WDFY4: variants seen among roughly 807,000 people sequenced by gnomAD.
WDFY4 encodes the protein WDFY family member 4, also known as WD repeat- and FYVE domain-containing protein 4.
WDFY4 carries 169 observed loss-of-function variants against 351.9 expected under a neutral mutation model. That is an observed-to-expected ratio of 0.48 (90% CI 0.42 to 0.55). The LOEUF is 0.55. WDFY4 is among the 20% of genes least tolerant of loss of function. The pLI is 0.00. For synonymous variants in WDFY4, 1,622 were observed against 1,574.6 expected (o/e 1.03, Z -0.71); for missense variants, 3,803 against 3,935.6 (o/e 0.97, Z 0.90).
chr10:48,688,842 G>T (rs1278428645), intron 1 of WDFY4, among the ~76,000 whole-genome samples: 1 of 152,154 alleles, frequency 6.6e-6, no homozygotes, highest in African/African-American at 2.4e-5. Flanking sequence ...TAGGTATAGA[G>T]CATGGGAGAA....
At chr10:48,812,075 C>A (rs766871925) in intron 30 of WDFY4, among the ~76,000 whole-genome samples, 5 of 152,228 alleles carry the variant, frequency 3.3e-5, no homozygotes, top group African/African-American at 2.4e-5. Flanking sequence ...CATCTTCTTG[C>A]CCCTGTTGCT....
At chr10:48,895,549 T>G (rs1424719491) in intron 44 of WDFY4, among the ~76,000 whole-genome samples, 1 of 152,190 alleles carries the variant, frequency 6.6e-6, no homozygotes, top group Non-Finnish European at 1.5e-5. Context: ...TGTGGTTGTA[T>G]ACACAATTTA....
chr10:48,897,340 A>G, intron 44 of WDFY4, 114 bp from the exon 45 acceptor site: 2 of 1,422,458 alleles, frequency 1.4e-6, no homozygotes, highest in South Asian at 2.7e-5. Flanking sequence ...CACTTCTCTG[A>G]TGTGTCATTG....
Position 48,957,166 on chromosome 10 carries a change from G to A in WDFY4, c.8015G>A (p.Ser2672Asn), listed in dbSNP as rs1260256567. The stretch of plus-strand genomic sequence containing the variant: ...GACGTGGCAGACAGAATGTTCCACA[G>A]TGTGAAGAGCACGTGGGAGTCGGCC... ...SFDVADRMFH[S>N]VKSTWESASR... The change falls in exon 52 of 62, where the codon AGT (serine) becomes AAT (asparagine). Residue 2672 changes from serine to asparagine, a missense_variant. This residue lies in a region of WDFY4 where 3,054 missense variants were observed against 3,148.6 expected (regional missense o/e 0.97). Transcript: ENST00000325239. 6.4e-7 allele frequency: 1 copy of A among 1,551,694 alleles called. No homozygotes were observed. Among genetic ancestry groups the A allele is most frequent in the East Asian group, 2.4e-5 (1 of 40,926 alleles).
chr10:48,688,704 G>A (rs2063118313), intron 1 of WDFY4, among the ~76,000 whole-genome samples: 4 of 152,112 alleles, frequency 2.6e-5, no homozygotes. Flanking sequence ...CAGTTCAGAG[G>A]CTTTTGCAAT....
chr10:48,734,600 T>C (rs187155592), intron 10 of WDFY4, among the ~76,000 whole-genome samples: 1 of 151,916 alleles, frequency 6.6e-6, no homozygotes, highest in Non-Finnish European at 1.5e-5. Context: ...GGCATCTTTA[T>C]CTGAGGCCTT....
At chr10:48,946,339 C>A (rs1270483782) in intron 50 of WDFY4, among the ~76,000 whole-genome samples, 182 bp downstream of exon 50, 2 of 152,250 alleles carry the variant, frequency 1.3e-5, no homozygotes, top group Non-Finnish European at 2.9e-5. Flanking sequence ...CAGGCCTCAC[C>A]TCTAGAAATT....
intron 39 of WDFY4, among the ~76,000 whole-genome samples, chr10:48,850,448 T>C (rs1392851583): frequency 6.6e-6 from 1 of 152,224 alleles, no homozygotes; most frequent in East Asian, 1.9e-4. Context: ...TGGTTCCAGC[T>C]TTTTTCTCAT....
intron 28 of WDFY4, 84 bp downstream of exon 28, chr10:48,808,042 A>C (rs932588700): frequency 8.9e-7 from 1 of 1,128,382 alleles, no homozygotes; most frequent in East Asian, 2.9e-5. Flanking sequence ...TGAAAAGTTT[A>C]GCATCTCTGA....
At chr10:48,799,342 A>G (rs1272200883) in intron 24 of WDFY4, among the ~76,000 whole-genome samples, 1 of 147,458 alleles carries the variant, frequency 6.8e-6, no homozygotes, top group Non-Finnish European at 1.5e-5. Context: ...GAATTTCAAA[A>G]AGGGAAAAAT....
intron 61 of WDFY4, among the ~76,000 whole-genome samples, chr10:48,981,767 T>G (rs1044242735): frequency 3.9e-5 from 6 of 152,248 alleles, no homozygotes; most frequent in Admixed American, 2.6e-4. Context: ...AAGTATATTG[T>G]TTTGTAATTT....
At chr10:48,859,822 T>C (rs2069272307) in intron 39 of WDFY4, among the ~76,000 whole-genome samples, 1 of 152,256 alleles carries the variant, frequency 6.6e-6, no homozygotes, top group East Asian at 1.9e-4. Context: ...AGTAAAAATA[T>C]GTGGATATGG....
chr10:48,769,987 G>T (rs775473529), intron 13 of WDFY4, among the ~76,000 whole-genome samples: 1 of 152,186 alleles, frequency 6.6e-6, no homozygotes, highest in South Asian at 2.1e-4. Flanking sequence ...CGTCTCCTGC[G>T]TTGGAAGTAA....
rs1327712671 is a variant in WDFY4 at position 48,788,694 on chromosome 10, C to T, written c.3954+19C>T. 3 of 1,550,466 alleles carry T rather than the reference C, an allele frequency of 1.9e-6. No homozygotes were observed. The highest frequency in any genetic ancestry group is 1.7e-6 in the Non-Finnish European group (2 of 1,146,020). On this transcript the variant is annotated intron_variant, in intron 21 of 61. Transcript: ENST00000325239. ...CAAAGAGGTACATCTTCTAACTTCGCTGCTAATCTCTGTTGGAATCTGGTT... is the reference window on the plus strand; with the variant it reads ...CAAAGAGGTACATCTTCTAACTTCGTTGCTAATCTCTGTTGGAATCTGGTT...
At chr10:48,771,514 G>A (rs76655668) in intron 13 of WDFY4, among the ~76,000 whole-genome samples, 21,639 of 152,136 alleles carry the variant, frequency 0.14, 1,970 homozygotes, top group East Asian at 0.32. Context: ...TTAGAAAAGG[G>A]CCTGCTGCAG....
chr10:48,756,128 A>G (rs1183944615), intron 12 of WDFY4, among the ~76,000 whole-genome samples: 1 of 152,058 alleles, frequency 6.6e-6, no homozygotes, highest in Non-Finnish European at 1.5e-5. Flanking sequence ...AGAATTGACA[A>G]TTTAACTATA....
At position 48,966,512 on chromosome 10, in the gene WDFY4, C is replaced by A; in HGVS notation, c.8437-14C>A. 6.4e-7 allele frequency: 1 copy of A among 1,550,840 alleles called. No homozygotes were observed. The highest frequency in any genetic ancestry group is 8.7e-7 in the Non-Finnish European group (1 of 1,146,256). ...ATCTCTCCCCTCATGTGTGTCTGTT[C>A]CCTGTCTCTCTAGCTCTTTACCAAA... is the stretch of plus-strand genomic sequence containing the variant. On this transcript the variant is annotated splice_polypyrimidine_tract_variant and intron_variant, in intron 54 of 61. Coordinates refer to ENST00000325239, the MANE Select transcript of WDFY4 (RefSeq NM_001394531.1).
At chr10:48,845,821 TA>T (rs143660817) in intron 39 of WDFY4, among the ~76,000 whole-genome samples, 55,537 of 151,834 alleles carry the variant, frequency 0.37, 10,651 homozygotes, top group East Asian at 0.7. Flanking sequence ...AGAGCTTGAA[TA>T]TACAGTCTCT....
intron 11 of WDFY4, among the ~76,000 whole-genome samples, chr10:48,739,152 A>C (rs11101446): frequency 0.41 from 62,277 of 152,126 alleles, 13,695 homozygotes; most frequent in Admixed American, 0.5. Flanking sequence ...CCTCACCGGT[A>C]TTCCACCATG....
Sources: allele counts gnomAD v4.1 joint callset (sites outside exome capture counted in the v4.1 genomes callset), GRCh38; gene constraint gnomAD v4.1.1; regional missense constraint gnomAD v4.1.1; transcripts MANE v1.5; gene names NCBI Gene and HGNC (gene_info 2026-07-23, HGNC 2026-07-21).